Variants in BMPR2 observed in about 807,000 individuals in gnomAD.
BMPR2 encodes bone morphogenetic protein receptor type 2, also known as bone morphogenetic protein receptor type-2.
BMPR2 carries 29 observed loss-of-function variants against 100.8 expected under a neutral mutation model. That is an observed-to-expected ratio of 0.29 (90% confidence interval 0.21 to 0.39). The LOEUF (loss-of-function observed/expected upper bound fraction) is 0.39. BMPR2 is among the 10% of genes least tolerant of loss of function. The probability of loss-of-function intolerance (pLI) is 1.00; values close to 1 mark genes in which losing one functional copy is unlikely to be tolerated. For synonymous variants in BMPR2, 382 were observed against 442.3 expected (o/e 0.86, Z 1.71); for missense variants, 1,011 against 1,274.5 (o/e 0.79, Z 3.15).
At chr2:202,439,476 A>G (rs1337095297) in intron 1 of BMPR2, among the ~76,000 whole-genome samples, 2 of 149,200 alleles carry the variant, frequency 1.3e-5, no homozygotes, top group African/African-American at 5.1e-5. Flanking sequence ...TAAAAGTTCA[A>G]CAACATTGCA....
At chr2:202,525,363 A>G (rs995727799) in intron 7 of BMPR2, among the ~76,000 whole-genome samples, 4 of 151,588 alleles carry the variant, frequency 2.6e-5, no homozygotes, top group Non-Finnish European at 5.9e-5. Flanking sequence ...CACCCAGCTA[A>G]TTTTTGTATT....
chr2:202,440,911 T>C (rs891296242), intron 1 of BMPR2, among the ~76,000 whole-genome samples: 1 of 150,576 alleles, frequency 6.6e-6, no homozygotes, highest in Non-Finnish European at 1.5e-5. Context: ...GTGTTGTATA[T>C]TTATTAAGAC....
intron 3 of BMPR2, among the ~76,000 whole-genome samples, chr2:202,487,581 G>A (rs1394494442): frequency 1.3e-5 from 2 of 152,158 alleles, no homozygotes; most frequent in Non-Finnish European, 2.9e-5. Context: ...ATAAAGTCAA[G>A]TGTTCTATTC....
chr2:202,527,442 T>G (rs1213707949), intron 7 of BMPR2, among the ~76,000 whole-genome samples: 3 of 150,856 alleles, frequency 2.0e-5, no homozygotes, highest in Admixed American at 6.6e-5. Context: ...GAGCTGAGAT[T>G]GCCGCCACTG....
chr2:202,388,396 C>CAAAAA lies in BMPR2; in HGVS notation c.76+10866_76+10870dup, dbSNP rs71406975. On this transcript the variant is annotated intron_variant, in intron 1 of 12. Coordinates refer to ENST00000374580, the MANE Select transcript of BMPR2 (RefSeq NM_001204.7). ...TGGGTGACAGAGCGAGACTCCATCTCAAAAAAAAAAAAAAAAAAAAAAAAC... is the reference window on the plus strand; with the variant it reads ...TGGGTGACAGAGCGAGACTCCATCTCAAAAAAAAAAAAAAAAAAAAAAAAAAAAAC... Among the ~76,000 whole-genome samples the CAAAAA allele has an allele frequency of 7.8e-4, 29 of 36,956 alleles. 2 individuals carry two copies. The highest frequency in any genetic ancestry group is 3.3e-3 in the African/African-American group (28 of 8,514). 24.2% of individuals were successfully genotyped at this position (36,956 alleles called of 152,430 possible).
At chr2:202,543,482 A>G (rs1010380260) in intron 10 of BMPR2, among the ~76,000 whole-genome samples, 4 of 151,538 alleles carry the variant, frequency 2.6e-5, no homozygotes, top group East Asian at 1.9e-4. Context: ...AGATGTATCT[A>G]TTTCTCTCCA....
At position 202,556,331 on chromosome 2, in the gene BMPR2, A is replaced by G; in HGVS notation, c.2666A>G (p.Asp889Gly). ...GAAGGTGTTCTGGATCGTCTTGTGG[A>G]CAGGAGGGAACGGCCACTAGAAGGT... is the stretch of plus-strand genomic sequence containing the variant. ...HDEGVLDRLV[D>G]RRERPLEGGR... The change falls in exon 12 of 13, where the codon GAC becomes GGC. Residue 889 changes from aspartate to glycine, a missense_variant. By Grantham distance (94) the Asp-to-Gly change is moderately conservative (BLOSUM62 -1). Coordinates refer to ENST00000374580, the MANE Select transcript of BMPR2 (RefSeq NM_001204.7). 1 of 1,614,242 alleles carries G rather than the reference A, an allele frequency of 6.2e-7. No individual in the cohort carries two copies. The highest frequency in any genetic ancestry group is 8.5e-7 in the Non-Finnish European group (1 of 1,180,046).
chr2:202,417,407 A>G lies in BMPR2; in HGVS notation c.76+39857A>G, dbSNP rs112970391. Among the ~76,000 whole-genome samples the G allele has an allele frequency of 3.0e-3, 464 of 152,174 alleles. 5 individuals are homozygous for G. The highest frequency in any genetic ancestry group is 9.7e-3 in the African/African-American group (403 of 41,512). Reference sequence around the variant, plus strand: ...AGCCTCCGCCTTCCGGGTTCGAGCGATTCTCCTGCCTCAGCCTCCTGAGTA... The same window carrying G: ...AGCCTCCGCCTTCCGGGTTCGAGCGGTTCTCCTGCCTCAGCCTCCTGAGTA... On this transcript the variant is annotated intron_variant, in intron 1 of 12. Coordinates refer to ENST00000374580, the MANE Select transcript of BMPR2 (RefSeq NM_001204.7).
chr2:202,443,504 T>C (rs1574452091), intron 1 of BMPR2, among the ~76,000 whole-genome samples: 1 of 150,194 alleles, frequency 6.7e-6, no homozygotes, highest in East Asian at 1.9e-4. Flanking sequence ...TCTCTCTTTC[T>C]CTCTCTCTCT....
chr2:202,525,352 G>A (rs1382023007), intron 7 of BMPR2, among the ~76,000 whole-genome samples: 1 of 151,520 alleles, frequency 6.6e-6, no homozygotes, highest in East Asian at 1.9e-4. Context: ...TTACAGGCAT[G>A]CACCCAGCTA....
intron 1 of BMPR2, among the ~76,000 whole-genome samples, chr2:202,423,674 C>G (rs751964241): frequency 1.3e-5 from 2 of 152,150 alleles, no homozygotes; most frequent in Non-Finnish European, 2.9e-5. Flanking sequence ...GGTATCGTTT[C>G]AGCCAGGAAT....
rs940025944 is a variant in BMPR2, at chr2:202,539,548, G to A, written c.1277-2763G>A. ...TATAAAACATTTTTTAAACTTTTAT[G>A]ATATACCTCAAAATGCAGTATGTGC... On this transcript the variant is annotated intron_variant, in intron 9 of 12. Coordinates refer to ENST00000374580, the MANE Select transcript of BMPR2 (RefSeq NM_001204.7). Among the ~76,000 whole-genome samples the A allele has an allele frequency of 5.9e-5, 9 of 151,974 alleles. No individual in the cohort carries two copies. The East Asian group carries it at 1.7e-3, about 29-fold the overall frequency.
chr2:202,425,033 A>G (rs1390731688), intron 1 of BMPR2, among the ~76,000 whole-genome samples: 1 of 151,574 alleles, frequency 6.6e-6, no homozygotes, highest in African/African-American at 2.4e-5. Context: ...ATCTCGGCTC[A>G]CTGCAACCTC....
rs1559055501 is a variant in BMPR2, at chr2:202,495,667, C to T, written c.419-18052C>T. On this transcript the variant is annotated intron_variant, in intron 3 of 12. Transcript: ENST00000374580. The surrounding 1 kb of genome is among the most constrained non-coding windows in gnomAD (Gnocchi z 4.5). ...TAGTCAGGGACGCACCTTTCTCTACCCATTACTTACCTCCCCACTTCCGTG... is the reference window on the plus strand; with the variant it reads ...TAGTCAGGGACGCACCTTTCTCTACTCATTACTTACCTCCCCACTTCCGTG... 6.6e-6 allele frequency among the ~76,000 whole-genome samples: 1 copy of T among 152,160 alleles called. No individual in the cohort carries two copies. Among genetic ancestry groups the T allele is most frequent in the African/African-American group, 2.4e-5 (1 of 41,438 alleles).
At chr2:202,498,482 G>A (rs1574478938) in intron 3 of BMPR2, among the ~76,000 whole-genome samples, 1 of 150,794 alleles carries the variant, frequency 6.6e-6, no homozygotes, top group East Asian at 1.9e-4. Flanking sequence ...AGGGTCCAGG[G>A]ACAGTTGCAT....
At position 202,444,957 on chromosome 2, in the gene BMPR2, T is replaced by A. The variant is rs187069126; in HGVS notation, c.77-19852T>A. ...GCATGCGCCACCATGCCTGGCTAAT[T>A]TTGTATTTTTAGTAGAGGTGGCGTT... On this transcript the variant is annotated intron_variant, in intron 1 of 12. Coordinates refer to ENST00000374580, the MANE Select transcript of BMPR2 (RefSeq NM_001204.7). Among the ~76,000 whole-genome samples the A allele has an allele frequency of 2.1e-3, 310 of 150,248 alleles. 22 individuals are homozygous for A. The highest frequency in any genetic ancestry group is 7.3e-3 in the African/African-American group (290 of 39,686).
At chr2:202,513,029 A>G (rs1028603600) in intron 3 of BMPR2, among the ~76,000 whole-genome samples, 3 of 151,784 alleles carry the variant, frequency 2.0e-5, no homozygotes, top group African/African-American at 7.3e-5. Flanking sequence ...CAGTGATACA[A>G]TCATGGCTCA....
chr2:202,499,309 G>C (rs12472987), intron 3 of BMPR2, among the ~76,000 whole-genome samples: 18,207 of 152,162 alleles, frequency 0.12, 1,187 homozygotes, highest in Admixed American at 0.14. Flanking sequence ...AAAAGAATGC[G>C]GCTTTAGCTG....
chr2:202,543,222 TTA>T (rs1008965661), intron 10 of BMPR2, among the ~76,000 whole-genome samples: 15 of 146,816 alleles, frequency 1.0e-4, no homozygotes, highest in African/African-American at 3.7e-4. Flanking sequence ...ACATATATAT[TTA>T]TATATATATT....
Sources: allele counts gnomAD v4.1 joint callset (sites outside exome capture counted in the v4.1 genomes callset), GRCh38; gene constraint gnomAD v4.1.1; non-coding constraint Gnocchi (gnomAD v3.1); transcripts MANE v1.5; gene names NCBI Gene and HGNC (gene_info 2026-07-23, HGNC 2026-07-21).